The following COL26A1 variants were observed in gnomAD, a reference collection of about 807,000 sequenced individuals.
COL26A1 encodes collagen type XXVI alpha 1 chain.
COL26A1 carries 41 observed loss-of-function variants against 59.3 expected under a neutral mutation model. The observed-to-expected ratio is 0.69, with a 90% CI of 0.54 to 0.90. The LOEUF (loss-of-function observed/expected upper bound fraction) is 0.90, where lower values mean the gene tolerates loss of function less well. Among genes scored for constraint, COL26A1 ranks in the 40% least tolerant of loss-of-function variants. The pLI is 0.00. For synonymous variants in COL26A1, 266 were observed against 256.0 expected, an observed-to-expected ratio of 1.04 and a Z score of -0.37; for missense variants, 612 against 602.3, an observed-to-expected ratio of 1.02 and a Z score of -0.17.
chr7:101,405,287 A>C (rs1040953074), intron 1 of COL26A1, among the ~76,000 whole-genome samples: 3 of 152,042 alleles, frequency 2.0e-5, no homozygotes, highest in African/African-American at 7.2e-5. Flanking sequence ...AACTAGCTCT[A>C]TCTCTTCTGG....
chr7:101,436,253 C>G (rs116360296), intron 2 of COL26A1, among the ~76,000 whole-genome samples: 2,568 of 152,228 alleles, frequency 0.017, 51 homozygotes, highest in African/African-American at 0.059. Context: ...AGGCTGGAGG[C>G]CTCAGAAATG....
intron 1 of COL26A1, among the ~76,000 whole-genome samples, chr7:101,363,433 G>C (rs1790952551): frequency 1.4e-5 from 2 of 143,816 alleles, no homozygotes; most frequent in African/African-American, 5.2e-5. Flanking sequence ...CCAGGGGCAG[G>C]GGACACGGGG....
chr7:101,544,033 G>T lies in COL26A1; in HGVS notation c.640G>T (p.Gly214Cys). The T allele has an allele frequency of 6.3e-7, 1 of 1,597,852 alleles. No individual in the cohort carries two copies. ...GCAGACAGGACCACCAGGGCCTGCA[G>T]GCCCCCCCGGGTCTAAAGGTGACCG... ...PGQTGPPGPA[G>C]PPGSKGDRGQ... is the part of the protein sequence containing the mutation. Residue 214 changes from glycine to cysteine, a missense_variant, in exon 6 of 13, where the codon GGC becomes TGC. By Grantham distance (159) the Gly-to-Cys change is radical. Coordinates refer to ENST00000313669, the MANE Select transcript of COL26A1 (RefSeq NM_001278563.3).
chr7:101,549,060 C>G, intron 8 of COL26A1, 111 bp from the exon 9 acceptor site: 1 of 562,932 alleles, frequency 1.8e-6, no homozygotes, highest in African/African-American at 2.0e-5. Flanking sequence ...CCATTCATTC[C>G]CAAACCCTCC....
intron 8 of COL26A1, 85 bp from the exon 9 acceptor site, chr7:101,549,086 G>T: frequency 1.5e-6 from 1 of 667,016 alleles, no homozygotes; most frequent in East Asian, 3.0e-5. Context: ...TTCCCATGGA[G>T]ACAGATCAAG....
chr7:101,363,630 T>C (rs10248094), intron 1 of COL26A1, among the ~76,000 whole-genome samples: 73,202 of 137,286 alleles, frequency 0.53, 19,297 homozygotes, highest in African/African-American at 0.69. Context: ...GGCTGCGGGG[T>C]TGCGGGGGCT....
chr7:101,535,543 C>CCT (rs1393821483), intron 4 of COL26A1, among the ~76,000 whole-genome samples: 1 of 152,190 alleles, frequency 6.6e-6, no homozygotes, highest in African/African-American at 2.4e-5. Flanking sequence ...GCCCTGACAC[C>CCT]CTCTCCACCA....
chr7:101,499,142 C>T (rs553750818), intron 3 of COL26A1, among the ~76,000 whole-genome samples: 14 of 152,250 alleles, frequency 9.2e-5, no homozygotes, highest in South Asian at 6.2e-4. Flanking sequence ...GGCTGGAGTT[C>T]GCGGGGATCC....
chr7:101,544,106 C>G lies in COL26A1; in HGVS notation c.703+10C>G. ...CCAGCGGGGCCGCCTGGTAAGAAAA[C>G]CCCCCACATATGTGATGTTGTCAAC... On this transcript the variant is annotated intron_variant, in intron 6 of 12. Transcript: ENST00000313669. The G allele has an allele frequency of 6.3e-7, 1 of 1,586,260 alleles. No individual in the cohort carries two copies. The highest frequency in any genetic ancestry group is 8.6e-7 in the Non-Finnish European group (1 of 1,164,210).
intron 3 of COL26A1, among the ~76,000 whole-genome samples, chr7:101,517,764 C>G (rs1795059410): frequency 6.6e-6 from 1 of 151,040 alleles, no homozygotes; most frequent in Admixed American, 6.6e-5. Flanking sequence ...AGGGCTTCCC[C>G]CACTGCAGTC....
intron 3 of COL26A1, among the ~76,000 whole-genome samples, chr7:101,506,256 T>A (rs1198044167): frequency 1.3e-5 from 2 of 152,242 alleles, no homozygotes; most frequent in East Asian, 3.8e-4. Flanking sequence ...GAATCCCTAC[T>A]GTCACTGGCA....
At chr7:101,412,443 G>A (rs185688695) in intron 1 of COL26A1, among the ~76,000 whole-genome samples, 231 of 152,078 alleles carry the variant, frequency 1.5e-3, no homozygotes, top group African/African-American at 5.3e-3. Flanking sequence ...TCAGGAGTTT[G>A]ACACCAGCCT....
chr7:101,524,336 G>T (rs1287889902), intron 3 of COL26A1, among the ~76,000 whole-genome samples: 2 of 151,458 alleles, frequency 1.3e-5, no homozygotes, highest in Admixed American at 6.6e-5. Context: ...TCCCCCTACT[G>T]CTAAGGGAAA....
At chr7:101,545,854 G>A (rs1005504474) in intron 7 of COL26A1, among the ~76,000 whole-genome samples, 1 of 152,176 alleles carries the variant, frequency 6.6e-6, no homozygotes, top group Non-Finnish European at 1.5e-5. Context: ...GGCTGACTTG[G>A]CCCAGATTCC....
chr7:101,530,326 T>C (rs984613156), intron 3 of COL26A1, among the ~76,000 whole-genome samples: 2 of 151,914 alleles, frequency 1.3e-5, no homozygotes, highest in African/African-American at 4.8e-5. Context: ...CCCAGCACTT[T>C]GGGAGGCTGA....
chr7:101,418,907 G>T lies in COL26A1; in HGVS notation c.159-1070G>T, dbSNP rs546177473. Among the ~76,000 whole-genome samples, 5 of 151,926 alleles carry T rather than the reference G, an allele frequency of 3.3e-5. No individual in the cohort carries two copies. The South Asian group carries it at 6.3e-4, about 19-fold the overall frequency. Reference sequence around the variant, plus strand: ...GCCCCTTGCTTCTTGTACTCTGAAGGCATTTATTCCCTAGCCCGGCAGGTC... The same window carrying T: ...GCCCCTTGCTTCTTGTACTCTGAAGTCATTTATTCCCTAGCCCGGCAGGTC... On this transcript the variant is annotated intron_variant, in intron 1 of 12. Transcript: ENST00000313669.
chr7:101,367,681 A>G (rs1791081586), intron 1 of COL26A1, among the ~76,000 whole-genome samples: 1 of 146,206 alleles, frequency 6.8e-6, no homozygotes, highest in Non-Finnish European at 1.5e-5. Flanking sequence ...GAAAAAAAAA[A>G]AAAAAAAGAA....
At chr7:101,410,760 C>A (rs1181549986) in intron 1 of COL26A1, among the ~76,000 whole-genome samples, 1 of 151,970 alleles carries the variant, frequency 6.6e-6, no homozygotes, top group Non-Finnish European at 1.5e-5. Flanking sequence ...TGGAATGTCA[C>A]GATCTCAGTT....
At chr7:101,447,506 T>G (rs986719024) in intron 2 of COL26A1, among the ~76,000 whole-genome samples, 178 bp from the exon 3 acceptor site, 1 of 152,248 alleles carries the variant, frequency 6.6e-6, no homozygotes, top group East Asian at 1.9e-4. Context: ...TCCTCCGTTA[T>G]GATTTTTGCA....
Sources: allele counts gnomAD v4.1 joint callset (sites outside exome capture counted in the v4.1 genomes callset), GRCh38; gene constraint gnomAD v4.1.1; transcripts MANE v1.5; gene names NCBI Gene and HGNC (gene_info 2026-07-23, HGNC 2026-07-21).